Variants in SPIDR observed in about 807,000 individuals in gnomAD.
SPIDR encodes the protein DNA repair-scaffolding protein.
SPIDR carries 93 observed loss-of-function variants against 104.6 expected under a neutral mutation model. The ratio of observed to expected loss-of-function variants is 0.89; its 90% CI spans 0.75 to 1.06. The LOEUF (loss-of-function observed/expected upper bound fraction) is 1.06, where lower values mean the gene tolerates loss of function less well. SPIDR is among the 50% of genes least tolerant of loss of function. The pLI is 0.00. For missense variants in SPIDR, 1,154 were observed against 1,111.2 expected (o/e 1.04, Z -0.55); for synonymous variants, 431 against 416.9 (o/e 1.03, Z -0.41).
At chr8:47,300,956 A>G (rs1422833659) in intron 5 of SPIDR, among the ~76,000 whole-genome samples, 1 of 152,154 alleles carries the variant, frequency 6.6e-6, no homozygotes, top group Non-Finnish European at 1.5e-5. Context: ...GTAGATGTCT[A>G]TTAGGTCCGC....
intron 1 of SPIDR, among the ~76,000 whole-genome samples, chr8:47,270,517 ATCT>A (rs1314180005): frequency 2.1e-4 from 32 of 151,970 alleles, no homozygotes; most frequent in South Asian, 2.1e-4. Context: ...TGTAGTTTAA[ATCT>A]TCTCTTCCCC....
intron 7 of SPIDR, among the ~76,000 whole-genome samples, chr8:47,434,690 G>A (rs2067966548): frequency 6.6e-6 from 1 of 152,010 alleles, no homozygotes; most frequent in Admixed American, 6.6e-5. Flanking sequence ...AATAATTTCA[G>A]TATCTCTCCC....
At chr8:47,465,989 A>G (rs904889439) in intron 8 of SPIDR, among the ~76,000 whole-genome samples, 1 of 152,150 alleles carries the variant, frequency 6.6e-6, no homozygotes, top group Non-Finnish European at 1.5e-5. Context: ...CTAAATATAT[A>G]TACACCCAAC....
intron 5 of SPIDR, among the ~76,000 whole-genome samples, chr8:47,298,274 TC>T (rs1348781592): frequency 6.6e-6 from 1 of 152,242 alleles, no homozygotes; most frequent in African/African-American, 2.4e-5. Flanking sequence ...AAGTGTCTGT[TC>T]ATATCCTTTG....
chr8:47,425,831 T>C (rs1445024961), intron 7 of SPIDR, among the ~76,000 whole-genome samples: 1 of 152,186 alleles, frequency 6.6e-6, no homozygotes, highest in East Asian at 1.9e-4. Flanking sequence ...CTTTGTCATG[T>C]TAATATTTGC....
chr8:47,714,974 A>G (rs1488269401), intron 16 of SPIDR, among the ~76,000 whole-genome samples: 17 of 152,134 alleles, frequency 1.1e-4, no homozygotes, highest in Non-Finnish European at 2.5e-4. Context: ...ATACCCTATA[A>G]TTCACTCCTT....
intron 5 of SPIDR, among the ~76,000 whole-genome samples, chr8:47,387,302 A>G (rs1375093958): frequency 1.3e-5 from 2 of 152,164 alleles, no homozygotes; most frequent in African/African-American, 2.4e-5. Flanking sequence ...GGTGGGGGGC[A>G]TTGAATGGCA....
At chr8:47,700,053 CAG>C (rs1022175272) in intron 11 of SPIDR, among the ~76,000 whole-genome samples, 12 of 152,244 alleles carry the variant, frequency 7.9e-5, no homozygotes, top group African/African-American at 2.9e-4. Flanking sequence ...CACACACACA[CAG>C]AGAGTGAGAG....
chr8:47,636,682 G>A lies in SPIDR; in HGVS notation c.1545-37119G>A, dbSNP rs530341508. ...AGAAAAAAATAATTAGCCAGGTGTA[G>A]TGTAGTGCCTGTAGTCCCTGCTACT... On this transcript the variant is annotated intron_variant, in intron 10 of 19. Transcript: ENST00000297423. Among the ~76,000 whole-genome samples the A allele has an allele frequency of 5.9e-5, 9 of 152,236 alleles. No individual in the cohort carries two copies. The South Asian group carries it at 6.2e-4, about 11-fold the overall frequency.
At chr8:47,264,024 T>C (rs1425984211) in intron 1 of SPIDR, among the ~76,000 whole-genome samples, 3 of 152,198 alleles carry the variant, frequency 2.0e-5, no homozygotes, top group Non-Finnish European at 4.4e-5. Flanking sequence ...GAGAACTAGT[T>C]TAGAAGATTT....
intron 3 of SPIDR, among the ~76,000 whole-genome samples, chr8:47,285,127 A>G (rs2038583457): frequency 6.6e-6 from 1 of 152,216 alleles, no homozygotes; most frequent in South Asian, 2.1e-4. Context: ...GCCTAATTAA[A>G]GGTGCTTCAG....
intron 8 of SPIDR, among the ~76,000 whole-genome samples, chr8:47,559,993 A>T (rs906983973): frequency 3.9e-5 from 6 of 152,212 alleles, no homozygotes; most frequent in African/African-American, 1.4e-4. Context: ...ACAGACATAG[A>T]TACCCTAAAA....
chr8:47,417,530 G>A (rs1340298971), intron 7 of SPIDR, among the ~76,000 whole-genome samples: 1 of 152,102 alleles, frequency 6.6e-6, no homozygotes, highest in East Asian at 1.9e-4. Flanking sequence ...TTAGCCCTTT[G>A]TCAGATGGGT....
rs782299758 is a variant in SPIDR, at chr8:47,396,477, C to T, written c.627C>T (p.His209=). 11 of 1,613,880 alleles carry T rather than the reference C, an allele frequency of 6.8e-6. No individual in the cohort carries two copies. The highest frequency in any genetic ancestry group is 4.5e-5 in the East Asian group (2 of 44,882). ...LIDSESPHKY[H]VQFASDARQI... ...ATTCAGAATCCCCTCACAAATACCA[C>T]GTGCAGTTTGCATCGGATGCAAGAC... The change falls in exon 6 of 20, where the codon CAC becomes CAT. Residue 209 remains histidine, a synonymous_variant. Transcript: ENST00000297423.
At position 47,293,874 on chromosome 8, in the gene SPIDR, A is replaced by ATCC. The variant is rs2040379810; in HGVS notation, c.369_370insTCC (p.Leu123_Gln124insSer). ...AAAAATTATATTTTTTAGATGAATT[A>ATCC]CAGTTTATCGACTGGGAGATTGACA... On this transcript the variant is annotated inframe_insertion, in exon 5 of 20. Transcript: ENST00000297423. 1.2e-6 allele frequency: 2 copies of ATCC among 1,605,508 alleles called. No individual in the cohort carries two copies. Among genetic ancestry groups the ATCC allele is most frequent in the South Asian group, 2.2e-5 (2 of 89,470 alleles).
intron 8 of SPIDR, among the ~76,000 whole-genome samples, chr8:47,488,873 T>C (rs1554734945): frequency 6.6e-6 from 1 of 152,178 alleles, no homozygotes; most frequent in African/African-American, 2.4e-5. Flanking sequence ...GAGCTATCTA[T>C]GACAAACCCA....
At chr8:47,431,070 T>C (rs1211885126) in intron 7 of SPIDR, among the ~76,000 whole-genome samples, 11 of 152,240 alleles carry the variant, frequency 7.2e-5, no homozygotes, top group African/African-American at 2.7e-4. Context: ...CAGACAGTTC[T>C]TTCTCACAGT....
chr8:47,351,628 A>G (rs937931431), intron 5 of SPIDR, among the ~76,000 whole-genome samples: 4 of 152,318 alleles, frequency 2.6e-5, no homozygotes, highest in Admixed American at 6.5e-5. Context: ...TCCATGGGAT[A>G]TGTGGATTCA....
intron 11 of SPIDR, among the ~76,000 whole-genome samples, chr8:47,680,707 C>A (rs2076988700): frequency 6.6e-6 from 1 of 152,210 alleles, no homozygotes; most frequent in Non-Finnish European, 1.5e-5. Context: ...TGCTTAGAAA[C>A]CCTGCTTCAA....
Sources: gnomAD v4.1 joint callset for allele counts (sites outside exome capture counted in the v4.1 genomes callset) on GRCh38, gnomAD v4.1.1 for gene constraint, MANE v1.5 for transcripts, NCBI Gene and HGNC (gene_info 2026-07-23, HGNC 2026-07-21) for gene names.